CAB39: variants seen among roughly 807,000 people sequenced by gnomAD.
CAB39 encodes the protein calcium binding protein 39.
In CAB39, 8 loss-of-function variants were observed where a neutral mutation model predicts 40.0. The ratio of observed to expected loss-of-function variants is 0.20; its 90% CI spans 0.12 to 0.36. The LOEUF (loss-of-function observed/expected upper bound fraction) is 0.36. Ranked by LOEUF, CAB39 falls within the 10% of genes least tolerant of loss-of-function variation. CAB39 has a pLI of 1.00. For synonymous variants in CAB39, 156 were observed against 141.6 expected (o/e 1.10, Z -0.72); for missense variants, 270 against 401.1 (o/e 0.67, Z 2.79).
chr2:230,766,802 C>A (rs77287315), intron 2 of CAB39, among the ~76,000 whole-genome samples: 2,153 of 152,334 alleles, frequency 0.014, 52 homozygotes, highest in African/African-American at 0.048. Flanking sequence ...GCTGGGATTG[C>A]AGGTATGAGC....
chr2:230,786,956 C>T (rs563005914), intron 2 of CAB39, among the ~76,000 whole-genome samples: 6 of 152,178 alleles, frequency 3.9e-5, no homozygotes, highest in Middle Eastern at 3.4e-3. Flanking sequence ...AAGGCATTAC[C>T]GATAATGAAG....
chr2:230,797,342 A>G (rs1300381988), intron 4 of CAB39, among the ~76,000 whole-genome samples: 1 of 152,204 alleles, frequency 6.6e-6, no homozygotes, highest in African/African-American at 2.4e-5. Context: ...AAATTAAATA[A>G]TATTTATGAT....
At chr2:230,805,445 CTG>C (rs760446715) in intron 5 of CAB39, among the ~76,000 whole-genome samples, 6 of 151,984 alleles carry the variant, frequency 3.9e-5, no homozygotes, top group African/African-American at 1.5e-4. Context: ...AGTTTGGAAA[CTG>C]TACCCACAGC....
chr2:230,763,427 A>T (rs1449119995), intron 2 of CAB39, among the ~76,000 whole-genome samples: 1 of 152,112 alleles, frequency 6.6e-6, no homozygotes, highest in East Asian at 1.9e-4. Context: ...CCCTTTCTCT[A>T]CTAGAAATAC....
chr2:230,782,998 G>A (rs969347041), intron 2 of CAB39, among the ~76,000 whole-genome samples: 2 of 151,388 alleles, frequency 1.3e-5, no homozygotes, highest in Non-Finnish European at 2.9e-5. Flanking sequence ...TTTTGTTTTT[G>A]TTTTTGTTTT....
intron 1 of CAB39, among the ~76,000 whole-genome samples, chr2:230,756,387 G>A (rs1695190045): frequency 1.3e-5 from 2 of 152,202 alleles, no homozygotes; most frequent in African/African-American, 4.8e-5. Context: ...CAGCTGTTAT[G>A]GGACCACTGT....
chr2:230,818,556 A>G lies in CAB39; in HGVS notation c.878A>G (p.Asp293Gly). The change falls in exon 9 of 9, where the codon GAC becomes GGC. Residue 293 changes from aspartate (D) to glycine (G), a missense_variant. Physicochemically the swap from Asp to Gly is moderately conservative, Grantham distance 94. Coordinates refer to ENST00000258418, the MANE Select transcript of CAB39 (RefSeq NM_016289.4). Reference protein sequence around the residue: ...ANPNKTQPILDILLKNQAKLI... With the variant: ...ANPNKTQPILGILLKNQAKLI... ...CCTAACAAGACGCAGCCCATCCTAG[A>G]CATCCTCCTCAAGAACCAGGCCAAA... 6.2e-7 allele frequency: 1 copy of G among 1,614,182 alleles called. No homozygotes were observed. Among genetic ancestry groups the G allele is most frequent in the Non-Finnish European group, 8.5e-7 (1 of 1,180,032 alleles).
chr2:230,763,330 G>A (rs376368310), intron 2 of CAB39, among the ~76,000 whole-genome samples: 1 of 152,140 alleles, frequency 6.6e-6, no homozygotes. Context: ...GGTGGCTCAT[G>A]CCTGTAATTC....
At chr2:230,723,192 T>G (rs1694487526) in intron 1 of CAB39, among the ~76,000 whole-genome samples, 1 of 152,112 alleles carries the variant, frequency 6.6e-6, no homozygotes, top group African/African-American at 2.4e-5. Flanking sequence ...TTTCTGCAGG[T>G]TTGGTGAGTT....
intron 1 of CAB39, among the ~76,000 whole-genome samples, chr2:230,759,511 C>T (rs113235279): frequency 6.6e-6 from 1 of 152,206 alleles, no homozygotes; most frequent in African/African-American, 2.4e-5. Context: ...TGTTTGACCA[C>T]TTAGTACCTT....
At chr2:230,745,954 T>A in intron 1 of CAB39, among the ~76,000 whole-genome samples, 1 of 152,300 alleles carries the variant, frequency 6.6e-6, no homozygotes, top group Middle Eastern at 3.4e-3. Flanking sequence ...AAAATTTTTT[T>A]AAGGATGGGG....
intron 5 of CAB39, among the ~76,000 whole-genome samples, chr2:230,805,019 TG>T (rs765971388): frequency 2.6e-5 from 4 of 152,164 alleles, no homozygotes; most frequent in Non-Finnish European, 5.9e-5. Flanking sequence ...AGTGACAGAC[TG>T]GATTGAGAAA....
At chr2:230,750,455 G>A (rs1225547983) in intron 1 of CAB39, among the ~76,000 whole-genome samples, 1 of 152,134 alleles carries the variant, frequency 6.6e-6, no homozygotes, top group African/African-American at 2.4e-5. Flanking sequence ...GTACCTCTCA[G>A]CCTCCAGAAT....
chr2:230,799,298 A>C (rs1696043185), intron 5 of CAB39, among the ~76,000 whole-genome samples: 1 of 152,228 alleles, frequency 6.6e-6, no homozygotes, highest in Admixed American at 6.5e-5. Flanking sequence ...TATACACTTC[A>C]TGAAATATTA....
intron 1 of CAB39, among the ~76,000 whole-genome samples, chr2:230,739,326 A>C (rs972499045): frequency 4.6e-5 from 7 of 152,270 alleles, no homozygotes; most frequent in African/African-American, 7.2e-5. Context: ...AGTTCTAAAG[A>C]TATGATAATT....
chr2:230,720,679 C>A (rs1389669055), intron 1 of CAB39, among the ~76,000 whole-genome samples: 11 of 152,184 alleles, frequency 7.2e-5, no homozygotes, highest in African/African-American at 2.7e-4. Flanking sequence ...CTCGGCCTCC[C>A]AAAGTGCTGG....
At chr2:230,736,626 C>T (rs186528277) in intron 1 of CAB39, among the ~76,000 whole-genome samples, 1 of 152,250 alleles carries the variant, frequency 6.6e-6, no homozygotes, top group East Asian at 1.9e-4. Context: ...TTTCTGTAAT[C>T]GAGACCCTGT....
At chr2:230,772,507 C>CTTTTT (rs1695500220) in intron 2 of CAB39, among the ~76,000 whole-genome samples, 1 of 144,126 alleles carries the variant, frequency 6.9e-6, no homozygotes, top group Non-Finnish European at 1.5e-5. Context: ...TTTTTTGAGA[C>CTTTTT]GAAGTCTCAC....
At chr2:230,727,363 CGTGTGTGTGTGTGT>C (rs10542723) in intron 1 of CAB39, among the ~76,000 whole-genome samples, 13 of 126,944 alleles carry the variant, frequency 1.0e-4, no homozygotes, top group East Asian at 4.3e-4. Context: ...GATTGTTAAC[CGTGTGTGTGTGTGT>C]GTGTGTGTGT....
Sources: gnomAD v4.1 joint callset for allele counts (sites outside exome capture counted in the v4.1 genomes callset) on GRCh38, gnomAD v4.1.1 for gene constraint, MANE v1.5 for transcripts, NCBI Gene and HGNC (gene_info 2026-07-23, HGNC 2026-07-21) for gene names.